FBXL17: variants seen among roughly 807,000 people sequenced by gnomAD.
The protein encoded by FBXL17 is F-box and leucine rich repeat protein 17, also known as F-box/LRR-repeat protein 17.
In FBXL17, 22 loss-of-function variants were observed where a neutral mutation model predicts 66.2. The ratio of observed to expected loss-of-function variants is 0.33; its 90% CI spans 0.24 to 0.47. The LOEUF (loss-of-function observed/expected upper bound fraction) is 0.47. FBXL17 is among the 20% of genes least tolerant of loss of function. FBXL17 has a pLI of 1.00. For synonymous variants in FBXL17, 474 were observed against 400.5 expected (o/e 1.18, Z -2.19); for missense variants, 878 against 948.2 (o/e 0.93, Z 0.97).
At chr5:107,911,340 C>A (rs569967998) in intron 7 of FBXL17, among the ~76,000 whole-genome samples, 1 of 151,984 alleles carries the variant, frequency 6.6e-6, no homozygotes, top group Admixed American at 6.6e-5. Context: ...TACACAGATG[C>A]CAATATCACA....
At chr5:108,352,084 G>C (rs1747691710) in intron 3 of FBXL17, among the ~76,000 whole-genome samples, 1 of 152,254 alleles carries the variant, frequency 6.6e-6, no homozygotes, top group African/African-American at 2.4e-5. Context: ...TTACCAGCAT[G>C]TGAGGTAAAG....
intron 7 of FBXL17, among the ~76,000 whole-genome samples, chr5:107,932,213 T>C (rs1487481185): frequency 6.6e-6 from 1 of 152,204 alleles, no homozygotes; most frequent in Non-Finnish European, 1.5e-5. Context: ...TCAATAAATT[T>C]CACTGAATGA....
chr5:108,305,272 ATGGTT>A, intron 4 of FBXL17, among the ~76,000 whole-genome samples: 1 of 143,812 alleles, frequency 7.0e-6, no homozygotes, highest in Admixed American at 6.7e-5. Flanking sequence ...ACACAGACAC[ATGGTT>A]CTCACAGACA....
At chr5:108,049,422 C>A (rs1480770096) in intron 6 of FBXL17, among the ~76,000 whole-genome samples, 2 of 152,040 alleles carry the variant, frequency 1.3e-5, no homozygotes, top group African/African-American at 4.8e-5. Context: ...AGCCACTGCA[C>A]CTGGCCTATT....
intron 4 of FBXL17, among the ~76,000 whole-genome samples, chr5:108,318,639 C>G (rs1203446504): frequency 6.6e-6 from 1 of 151,830 alleles, no homozygotes; most frequent in Non-Finnish European, 1.5e-5. Context: ...GCATTTCTGG[C>G]ACTCCGTGCA....
intron 6 of FBXL17, among the ~76,000 whole-genome samples, chr5:108,141,507 G>A (rs886101914): frequency 6.6e-6 from 1 of 152,174 alleles, no homozygotes; most frequent in Non-Finnish European, 1.5e-5. Context: ...CTAAGCCATT[G>A]TAGGACCTAA....
At chr5:107,904,408 T>A (rs1442557238) in intron 7 of FBXL17, among the ~76,000 whole-genome samples, 2 of 152,084 alleles carry the variant, frequency 1.3e-5, no homozygotes, top group African/African-American at 4.8e-5. Context: ...TCATCATCTC[T>A]CCCCAGTCAA....
At chr5:107,912,301 G>T (rs1425371919) in intron 7 of FBXL17, among the ~76,000 whole-genome samples, 1 of 152,078 alleles carries the variant, frequency 6.6e-6, no homozygotes, top group Admixed American at 6.6e-5. Context: ...CTCCTCTAAG[G>T]TCCCATAGCT....
chr5:108,300,485 T>A (rs1245693728), intron 4 of FBXL17, among the ~76,000 whole-genome samples: 1 of 151,898 alleles, frequency 6.6e-6, no homozygotes, highest in African/African-American at 2.4e-5. Context: ...AAATTATCTA[T>A]GGTATTGTTT....
At chr5:108,234,053 C>T (rs1373573566) in intron 4 of FBXL17, among the ~76,000 whole-genome samples, 51 of 152,070 alleles carry the variant, frequency 3.4e-4, no homozygotes, top group Non-Finnish European at 1.5e-5. Context: ...GTAATAGCGA[C>T]TGTGGCAGAA....
At chr5:107,934,686 G>C (rs1207710071) in intron 7 of FBXL17, among the ~76,000 whole-genome samples, 1 of 152,144 alleles carries the variant, frequency 6.6e-6, no homozygotes, top group South Asian at 2.1e-4. Flanking sequence ...GTCCTTATTG[G>C]GGGCTGGTGG....
intron 4 of FBXL17, among the ~76,000 whole-genome samples, chr5:108,317,979 T>C (rs1446817522): frequency 6.6e-6 from 1 of 151,640 alleles, no homozygotes; most frequent in Non-Finnish European, 1.5e-5. Context: ...CAAAATTATA[T>C]ACAGTTCTGG....
chr5:108,224,589 G>A (rs995217242), intron 4 of FBXL17, among the ~76,000 whole-genome samples: 1 of 151,004 alleles, frequency 6.6e-6, no homozygotes, highest in Non-Finnish European at 1.5e-5. Context: ...TTTGTTTTGG[G>A]GTTTTTTGTT....
chr5:108,269,832 TTTG>T (rs1757194411), intron 4 of FBXL17, among the ~76,000 whole-genome samples: 1 of 151,824 alleles, frequency 6.6e-6, no homozygotes, highest in African/African-American at 2.4e-5. Flanking sequence ...TAGACGAGGG[TTTG>T]TTTTCTCTTT....
At chr5:108,298,358 TAGAG>T (rs1758435595) in intron 4 of FBXL17, 2 of 982,402 alleles carry the variant, frequency 2.0e-6, no homozygotes, top group Non-Finnish European at 2.4e-6. Flanking sequence ...AATCTGTGCA[TAGAG>T]AAAGTTATTT....
At chr5:107,889,452 A>G (rs1288116137) in intron 7 of FBXL17, among the ~76,000 whole-genome samples, 2 of 152,226 alleles carry the variant, frequency 1.3e-5, no homozygotes, top group Admixed American at 6.5e-5. Flanking sequence ...CATCAATGGT[A>G]GATAACATTA....
intron 6 of FBXL17, among the ~76,000 whole-genome samples, chr5:108,163,257 T>C (rs557275848): frequency 2.4e-4 from 36 of 152,286 alleles, no homozygotes; most frequent in African/African-American, 5.8e-4. Context: ...TTACCATTTA[T>C]TCATAATTCA....
chr5:108,277,981 CTG>C (rs1190393295), intron 4 of FBXL17, among the ~76,000 whole-genome samples: 1 of 141,760 alleles, frequency 7.1e-6, no homozygotes, highest in African/African-American at 2.7e-5. Flanking sequence ...GACAATCACA[CTG>C]TGAATACATG....
intron 6 of FBXL17, among the ~76,000 whole-genome samples, chr5:108,028,153 A>T (rs1330846990): frequency 6.6e-6 from 1 of 152,192 alleles, no homozygotes. Context: ...AGGTTAATGA[A>T]TTGTAATTCT....
Sources: gnomAD v4.1 joint callset for allele counts (sites outside exome capture counted in the v4.1 genomes callset) on GRCh38, gnomAD v4.1.1 for gene constraint, MANE v1.5 for transcripts, NCBI Gene and HGNC (gene_info 2026-07-23, HGNC 2026-07-21) for gene names.